NALF1: variants seen among roughly 807,000 people sequenced by gnomAD.
The protein encoded by NALF1 is NALCN channel auxiliary factor 1, also known as family with sequence similarity 155 member A.
Under a neutral mutation model 48.4 loss-of-function variants are expected in NALF1, and 3 were observed. The ratio of observed to expected loss-of-function variants is 0.06; its 90% CI spans 0.03 to 0.16. NALF1 has a LOEUF of 0.16. Ranked by LOEUF, NALF1 falls within the 10% of genes least tolerant of loss-of-function variation. NALF1 has a pLI of 1.00. For synonymous variants in NALF1, 262 were observed against 245.7 expected (o/e 1.07, Z -0.62); for missense variants, 526 against 571.5 (o/e 0.92, Z 0.81).
intron 1 of NALF1, among the ~76,000 whole-genome samples, chr13:107,629,370 T>C (rs1879770361): frequency 6.6e-6 from 1 of 152,190 alleles, no homozygotes; most frequent in Non-Finnish European, 1.5e-5. Flanking sequence ...CTATAAAGAA[T>C]GTATCATATT....
intron 1 of NALF1, among the ~76,000 whole-genome samples, chr13:107,303,987 T>G (rs1881888999): frequency 6.6e-6 from 1 of 152,242 alleles, no homozygotes; most frequent in South Asian, 2.1e-4. Flanking sequence ...TCATTCAAGA[T>G]GTACAAATAA....
At chr13:107,512,254 C>T (rs1566371992) in intron 1 of NALF1, among the ~76,000 whole-genome samples, 2 of 152,212 alleles carry the variant, frequency 1.3e-5, no homozygotes, top group African/African-American at 2.4e-5. Flanking sequence ...ATTAGCCAGG[C>T]GAGGTAGCAC....
chr13:107,510,884 T>G (rs935555112), intron 1 of NALF1, among the ~76,000 whole-genome samples: 1 of 152,296 alleles, frequency 6.6e-6, no homozygotes, highest in East Asian at 1.9e-4. Flanking sequence ...CAGCTTTAGT[T>G]TCACTCGAGT....
chr13:107,806,931 T>C (rs1878809041), intron 1 of NALF1, among the ~76,000 whole-genome samples: 2 of 152,196 alleles, frequency 1.3e-5, no homozygotes, highest in South Asian at 4.1e-4. Context: ...AGACATTCTA[T>C]AATTCTTCTT....
chr13:107,350,731 A>G (rs898224433), intron 1 of NALF1, among the ~76,000 whole-genome samples: 3 of 152,156 alleles, frequency 2.0e-5, no homozygotes, highest in African/African-American at 7.2e-5. Context: ...GTGGATTTTT[A>G]GGCTATTGCA....
intron 1 of NALF1, among the ~76,000 whole-genome samples, chr13:107,243,139 C>T (rs1476778266): frequency 6.6e-6 from 1 of 152,180 alleles, no homozygotes; most frequent in African/African-American, 2.4e-5. Flanking sequence ...TGTCAGGCCT[C>T]GTCCTGACCT....
At chr13:107,280,971 T>C (rs1381010702) in intron 1 of NALF1, among the ~76,000 whole-genome samples, 2 of 152,256 alleles carry the variant, frequency 1.3e-5, no homozygotes, top group African/African-American at 4.8e-5. Context: ...TTTAATTAAT[T>C]TAATATTTTC....
chr13:107,652,716 G>A (rs1342968661), intron 1 of NALF1, among the ~76,000 whole-genome samples: 1 of 152,110 alleles, frequency 6.6e-6, no homozygotes, highest in African/African-American at 2.4e-5. Context: ...GCATTGTTCG[G>A]ATATAGGCAT....
chr13:107,683,996 A>G (rs1056647650), intron 1 of NALF1, among the ~76,000 whole-genome samples: 9 of 152,158 alleles, frequency 5.9e-5, no homozygotes, highest in African/African-American at 1.9e-4. Flanking sequence ...AGCCACCTCC[A>G]AAGCATCCTT....
At chr13:107,227,144 C>T (rs1295277181) in intron 1 of NALF1, among the ~76,000 whole-genome samples, 3 of 152,182 alleles carry the variant, frequency 2.0e-5, no homozygotes, top group Non-Finnish European at 2.9e-5. Flanking sequence ...CAAGCATTAC[C>T]GAAGCTTCTA....
At chr13:107,353,126 T>C (rs1258815560) in intron 1 of NALF1, among the ~76,000 whole-genome samples, 1 of 152,140 alleles carries the variant, frequency 6.6e-6, no homozygotes, top group East Asian at 1.9e-4. Flanking sequence ...AAAAATTGTC[T>C]GCAGTCCTCA....
chr13:107,854,828 G>A (rs816992), intron 1 of NALF1, among the ~76,000 whole-genome samples: 2 of 150,018 alleles, frequency 1.3e-5, no homozygotes, highest in Non-Finnish European at 2.9e-5. Context: ...GAGCCAAGAT[G>A]GCGCCACTGC....
intron 1 of NALF1, among the ~76,000 whole-genome samples, chr13:107,830,815 C>T (rs1879696806): frequency 6.6e-6 from 1 of 152,186 alleles, no homozygotes; most frequent in Admixed American, 6.5e-5. Context: ...GAGATGTCTT[C>T]CTTTGCCTTT....
At chr13:107,700,915 A>AT (rs1209581485) in intron 1 of NALF1, among the ~76,000 whole-genome samples, 1 of 152,184 alleles carries the variant, frequency 6.6e-6, no homozygotes, top group Non-Finnish European at 1.5e-5. Flanking sequence ...ATCAAGGGAA[A>AT]TACAAATTAA....
intron 1 of NALF1, among the ~76,000 whole-genome samples, chr13:107,861,647 G>A (rs564751553): frequency 1.3e-5 from 2 of 152,254 alleles, no homozygotes; most frequent in Non-Finnish European, 2.9e-5. Flanking sequence ...AGCTAGGCGT[G>A]GTGGCGCGCA....
intron 1 of NALF1, among the ~76,000 whole-genome samples, chr13:107,640,187 T>G (rs1476401517): frequency 6.6e-6 from 1 of 152,106 alleles, no homozygotes; most frequent in Non-Finnish European, 1.5e-5. Flanking sequence ...GAAAACAACT[T>G]TACACAGTGT....
chr13:107,713,935 G>A (rs964455425), intron 1 of NALF1, among the ~76,000 whole-genome samples: 15 of 152,216 alleles, frequency 9.9e-5, no homozygotes, highest in South Asian at 4.1e-4. Flanking sequence ...GTTATTAAAC[G>A]ATTAAATAAG....
intron 1 of NALF1, among the ~76,000 whole-genome samples, chr13:107,255,576 C>A (rs1880797127): frequency 1.3e-5 from 2 of 151,612 alleles, no homozygotes; most frequent in African/African-American, 4.9e-5. Context: ...TAAAGAAAGT[C>A]CATTTTGATA....
At chr13:107,803,739 C>T (rs1444955678) in intron 1 of NALF1, among the ~76,000 whole-genome samples, 1 of 152,050 alleles carries the variant, frequency 6.6e-6, no homozygotes, top group Non-Finnish European at 1.5e-5. Context: ...CCCTAAACAA[C>T]AAATTTAATA....
Sources: allele counts gnomAD v4.1 joint callset (sites outside exome capture counted in the v4.1 genomes callset), GRCh38; gene constraint gnomAD v4.1.1; transcripts MANE v1.5; gene names NCBI Gene and HGNC (gene_info 2026-07-23, HGNC 2026-07-21).